Variants in RNF135 observed in about 807,000 individuals in gnomAD.
The protein encoded by RNF135 is E3 ubiquitin-protein ligase RNF135.
In RNF135, 46 loss-of-function variants were observed where a neutral mutation model predicts 41.9. That is an observed-to-expected ratio of 1.10 (90% CI 0.87 to 1.40). The LOEUF (loss-of-function observed/expected upper bound fraction) is 1.40, where lower values mean the gene tolerates loss of function less well. Ranked by LOEUF, RNF135 falls within the 40% of genes most tolerant of loss-of-function variation. RNF135 has a pLI of 0.00. For missense variants in RNF135, 539 were observed against 549.8 expected, an observed-to-expected ratio of 0.98 and a Z score of 0.20; for synonymous variants, 238 against 223.8, an observed-to-expected ratio of 1.06 and a Z score of -0.57.
chr17:30,976,822 A>G (rs564183388), intron 1 of RNF135, among the ~76,000 whole-genome samples: 20 of 152,180 alleles, frequency 1.3e-4, no homozygotes, highest in African/African-American at 4.8e-4. Context: ...TTTTCAGTCT[A>G]TATGTGCCTA....
rs1313988864 is a variant in RNF135, at chr17:30,979,597, A to T, written c.373-5020A>T. Among the ~76,000 whole-genome samples the T allele has an allele frequency of 3.5e-4, 26 of 74,914 alleles. No homozygotes were observed. The Admixed American group carries it at 4.2e-3, about 12-fold the overall frequency. 49.1% of individuals were successfully genotyped at this position (74,914 alleles called of 152,430 possible). On this transcript the variant is annotated intron_variant, in intron 1 of 4. Transcript: ENST00000328381. ...CCGGCAGAGGGGCTCCTCACTTCCC[A>T]GTAGGGGCGGCCGGGCAGAGGCGCC... is the stretch of plus-strand genomic sequence containing the variant.
At chr17:30,993,750 T>A in intron 3 of RNF135, 1 of 969,684 alleles carries the variant, frequency 1.0e-6, no homozygotes, top group Non-Finnish European at 1.5e-6. Context: ...CAAATGCTTT[T>A]TAAAAAATTT....
Position 30,998,336 on chromosome 17 carries a change from C to T in RNF135, c.770-326C>T, listed in dbSNP as rs536139948. Reference sequence around the variant, plus strand: ...GCAGGATTGCTGGAGCTCAGGAGTTCGACACCAGCCTAGGAAGCATGGCAA... The same window carrying T: ...GCAGGATTGCTGGAGCTCAGGAGTTTGACACCAGCCTAGGAAGCATGGCAA... On this transcript the variant is annotated intron_variant, in intron 4 of 4. Coordinates refer to ENST00000328381, the MANE Select transcript of RNF135 (RefSeq NM_032322.4). Among the ~76,000 whole-genome samples, 6 of 152,198 alleles carry T rather than the reference C, an allele frequency of 3.9e-5. No homozygotes were observed. The East Asian group carries it at 7.7e-4, about 20-fold the overall frequency.
intron 1 of RNF135, among the ~76,000 whole-genome samples, chr17:30,975,217 C>T (rs111710995): frequency 0.015 from 2,244 of 151,776 alleles, 64 homozygotes; most frequent in African/African-American, 0.051. Flanking sequence ...CAGCTACTTG[C>T]GAGACTGAGG....
rs993192149 is a variant in RNF135, at chr17:30,971,733, C to T, written c.372+288C>T. ...CGATCTTCGGTCTCTTTCTCTGAAA[C>T]TTGTAAAATTGTGGTAAGATCTATA... is the stretch of plus-strand genomic sequence containing the variant. On this transcript the variant is annotated intron_variant, in intron 1 of 4. Coordinates refer to ENST00000328381, the MANE Select transcript of RNF135 (RefSeq NM_032322.4). The T allele has an allele frequency of 4.9e-5, 63 of 1,296,160 alleles. 1 individual carries two copies. In the African/African-American group the frequency reaches 8.6e-4, roughly 18 times the overall value. 80.3% of individuals were successfully genotyped at this position (1,296,160 alleles called of 1,614,324 possible). A position where few individuals can be genotyped will look rare whatever the true frequency, so the allele number is the denominator to read the frequency against.
chr17:30,998,921 T>G lies in RNF135; in HGVS notation c.1029T>G (p.Thr343=), dbSNP rs1329213417. The change falls in exon 5 of 5, where the codon ACT becomes ACG. Residue 343 remains threonine (T), a synonymous_variant. Transcript: ENST00000328381. ...EMSRDQVLGR[T]MDSCCVEWKG... ...GCCGCGACCAGGTCCTGGGAAGGACTATGGACTCTTGTTGTGTGGAATGGA... is the reference window on the plus strand; with the variant it reads ...GCCGCGACCAGGTCCTGGGAAGGACGATGGACTCTTGTTGTGTGGAATGGA... 6.2e-7 allele frequency: 1 copy of G among 1,613,446 alleles called. No homozygotes were observed. The highest frequency in any genetic ancestry group is 8.5e-7 in the Non-Finnish European group (1 of 1,179,626).
At chr17:30,987,784 AT>A (rs1335877951) in intron 2 of RNF135, among the ~76,000 whole-genome samples, 159 bp from the exon 3 acceptor site, 1 of 152,030 alleles carries the variant, frequency 6.6e-6, no homozygotes, top group African/African-American at 2.4e-5. Flanking sequence ...ATTATTCCAG[AT>A]TTTTTTCAAG....
At chr17:30,997,476 T>C in intron 4 of RNF135, 145 bp downstream of exon 4, 1 of 753,382 alleles carries the variant, frequency 1.3e-6, no homozygotes, top group Non-Finnish European at 2.4e-6. Context: ...CGGGGGGAGC[T>C]GATTGCAAAG....
chr17:30,997,439 C>A, intron 4 of RNF135, 108 bp downstream of exon 4: 3 of 965,414 alleles, frequency 3.1e-6, no homozygotes, highest in Non-Finnish European at 3.3e-6. Context: ...TGGCTTACTG[C>A]ACATGGATTT....
chr17:30,986,475 G>A (rs972214266), intron 2 of RNF135, among the ~76,000 whole-genome samples: 1 of 152,180 alleles, frequency 6.6e-6, no homozygotes, highest in Non-Finnish European at 1.5e-5. Context: ...GATTACAGGC[G>A]TGCGCCACAT....
At chr17:30,994,641 T>A (rs895117318) in intron 3 of RNF135, among the ~76,000 whole-genome samples, 4 of 150,380 alleles carry the variant, frequency 2.7e-5, no homozygotes, top group African/African-American at 9.7e-5. Flanking sequence ...TTTATTTTAT[T>A]TTTTTTTTTG....
At chr17:30,978,613 T>A (rs1906671945) in intron 1 of RNF135, 1 of 150,542 alleles carries the variant, frequency 6.6e-6, no homozygotes, top group South Asian at 2.1e-4. Context: ...TTTTTTATTT[T>A]TTATTTTTTT....
At chr17:30,958,954 A>G in the RNF135 span, 3 of 152,094 alleles carry the variant, frequency 2.0e-5, no homozygotes, top group Admixed American at 2.0e-4. Flanking sequence ...AGGATAAGCA[A>G]TGCGTAAGCC....
In RNF135 at chr17:30,971,339, C is replaced by A; in HGVS notation, c.266C>A (p.Ala89Glu). The A allele has an allele frequency of 1.3e-6, 2 of 1,533,760 alleles. No individual in the cohort carries two copies. Among genetic ancestry groups the A allele is most frequent in the Non-Finnish European group, 1.7e-6 (2 of 1,143,736 alleles). Residue 89 changes from alanine to glutamate, a missense_variant, in exon 1 of 5, where the codon GCA (alanine) becomes GAA (glutamate). This residue lies in a region of RNF135 where 277 missense variants were observed against 212.8 expected (regional missense o/e 1.30). Transcript: ENST00000328381. ...CTGGCCGACAAGTACCGCCGCGCCGCACGCGAGATACAGGCGGGCTCCGAC... is the reference window on the plus strand; with the variant it reads ...CTGGCCGACAAGTACCGCCGCGCCGAACGCGAGATACAGGCGGGCTCCGAC... Reference protein sequence around the residue: ...QDLADKYRRAAREIQAGSDPA... With the variant: ...QDLADKYRRAEREIQAGSDPA...
At chr17:30,998,511 T>G in intron 4 of RNF135, 151 bp from the exon 5 acceptor site, 1 of 765,012 alleles carries the variant, frequency 1.3e-6, no homozygotes, top group Non-Finnish European at 2.2e-6. Flanking sequence ...ACATTTATCA[T>G]TTCTTCCTGT....
At chr17:30,980,016 C>A (rs1265931390) in intron 1 of RNF135, among the ~76,000 whole-genome samples, 1 of 121,440 alleles carries the variant, frequency 8.2e-6, no homozygotes, top group Admixed American at 7.6e-5. Flanking sequence ...CCGGACGGGG[C>A]GGCTGGCCGG....
At chr17:30,960,813 C>T in the RNF135 span, among the ~76,000 whole-genome samples, 3 of 149,830 alleles carry the variant, frequency 2.0e-5, no homozygotes, top group South Asian at 4.2e-4. Context: ...AATCTCGGCT[C>T]GCTGCAAGCT....
rs1192298651 is a variant in RNF135 at position 30,983,353 on chromosome 17, ATTTTTTTTTT to A, written c.373-1255_373-1246del. 2.5e-4 allele frequency among the ~76,000 whole-genome samples: 9 copies of A among 35,732 alleles called. 1 individual carries two copies. In the Admixed American group the frequency reaches 3.4e-3, roughly 13 times the overall value. The allele number at this position is 35,732 out of a possible 152,430, so 23.4% of individuals were successfully genotyped here. ...TATATATATATATATATATATATAT[ATTTTTTTTTT>A]TTTTTTTTGAGATGGAGTCTGGCCC... On this transcript the variant is annotated intron_variant, in intron 1 of 4. Transcript: ENST00000328381.
chr17:30,980,053 C>T (rs1906942693), intron 1 of RNF135: 1 of 134,086 alleles, frequency 7.5e-6, no homozygotes. Context: ...CCACCTCCCT[C>T]CCGGACTGGG....
Sources: gnomAD v4.1 joint callset for allele counts (sites outside exome capture counted in the v4.1 genomes callset) on GRCh38, gnomAD v4.1.1 for gene constraint, gnomAD v4.1.1 regional missense constraint, MANE v1.5 for transcripts, NCBI Gene and HGNC (gene_info 2026-07-23, HGNC 2026-07-21) for gene names.